Variants in LIMS1 observed in about 807,000 individuals in gnomAD.
LIMS1 encodes the protein LIM and senescent cell antigen-like-containing domain protein 1.
In LIMS1, 18 loss-of-function variants were observed where a neutral mutation model predicts 44.1. The ratio of observed to expected loss-of-function variants is 0.41; its 90% CI spans 0.28 to 0.61. The LOEUF is 0.61. Ranked by LOEUF, LIMS1 falls within the 20% of genes least tolerant of loss-of-function variation. The pLI is 0.32. For synonymous variants in LIMS1, 93 were observed against 149.1 expected (o/e 0.62, Z 2.74); for missense variants, 201 against 422.0 (o/e 0.48, Z 4.59).
chr2:108,675,822 A>G lies in LIMS1; in HGVS notation c.531-56A>G. 5 of 1,604,762 alleles carry G rather than the reference A, an allele frequency of 3.1e-6. No individual in the cohort carries two copies. The South Asian group carries it at 3.3e-5, about 11-fold the overall frequency. On this transcript the variant is annotated intron_variant, in intron 5 of 9. Coordinates refer to ENST00000544547, the Ensembl canonical transcript of LIMS1. ...ACCTTCTAAAAAGTGTGCTAGCCCC[A>G]TTGGTTGGCCACTTTTCTCTCTTAG... is the stretch of plus-strand genomic sequence containing the variant.
chr2:108,667,687 G>A (rs902391148), intron 2 of LIMS1, among the ~76,000 whole-genome samples: 11 of 151,362 alleles, frequency 7.3e-5, no homozygotes, highest in Admixed American at 3.3e-4. Context: ...TTACACAGTC[G>A]TCTTATGGTA....
chr2:108,534,321 C>G (rs866182662), upstream of LIMS1: 564 of 207,178 alleles, frequency 2.7e-3, no homozygotes, highest in African/African-American at 0.01. Flanking sequence ...CGCCCTTCGG[C>G]GCCCGCCCCG....
intron 1 of LIMS1, among the ~76,000 whole-genome samples, chr2:108,649,908 T>C (rs902147467): frequency 6.6e-6 from 1 of 152,144 alleles, no homozygotes; most frequent in African/African-American, 2.4e-5. Context: ...ATGGCACATG[T>C]ATACCTATGT....
At chr2:108,680,917 C>G in intron 9 of LIMS1, 147 bp downstream of exon 9, 3 of 1,284,464 alleles carry the variant, frequency 2.3e-6, no homozygotes, top group Middle Eastern at 5.6e-4. Context: ...AAAGGTTCTT[C>G]CTTTAACTGT....
intron 1 of LIMS1, among the ~76,000 whole-genome samples, chr2:108,563,438 GA>G (rs1685191352): frequency 6.6e-6 from 1 of 152,190 alleles, no homozygotes; most frequent in Non-Finnish European, 1.5e-5. Context: ...TAGGAGTTTG[GA>G]AGAAGTTGAT....
intron 1 of LIMS1, among the ~76,000 whole-genome samples, chr2:108,629,972 C>G (rs1212194071): frequency 6.6e-6 from 1 of 152,138 alleles, no homozygotes; most frequent in East Asian, 1.9e-4. Flanking sequence ...CCGGGTGGAT[C>G]ACTTGAGTCC....
intron 1 of LIMS1, among the ~76,000 whole-genome samples, chr2:108,567,239 C>G (rs1685323383): frequency 6.6e-6 from 1 of 152,080 alleles, no homozygotes; most frequent in East Asian, 1.9e-4. Flanking sequence ...CAGTTTCCTC[C>G]CGCATCCCAA....
intron 1 of LIMS1, among the ~76,000 whole-genome samples, chr2:108,606,093 T>C (rs1687255599): frequency 1.3e-5 from 2 of 152,276 alleles, no homozygotes; most frequent in African/African-American, 4.8e-5. Flanking sequence ...GTATTCAGAC[T>C]GTATAACTAT....
intron 1 of LIMS1, among the ~76,000 whole-genome samples, chr2:108,656,031 G>A (rs1176431720): frequency 2.2e-5 from 2 of 89,268 alleles, no homozygotes; most frequent in Non-Finnish European, 4.6e-5. Context: ...TCCGTGCTCT[G>A]TGGTACAGAT....
At chr2:108,536,914 T>C (rs936549970) in intron 1 of LIMS1, among the ~76,000 whole-genome samples, 4 of 152,330 alleles carry the variant, frequency 2.6e-5, no homozygotes, top group African/African-American at 7.2e-5. Flanking sequence ...ATGTAACTTT[T>C]CCTTTTCTGG....
chr2:108,659,824 T>G (rs1308879175), intron 2 of LIMS1, 60 bp downstream of exon 2: 1 of 1,611,912 alleles, frequency 6.2e-7, no homozygotes, highest in Non-Finnish European at 8.5e-7. Flanking sequence ...CTTCCTGCCC[T>G]TCTTTCCTGA....
At chr2:108,550,467 C>T (rs1490786658) in intron 1 of LIMS1, among the ~76,000 whole-genome samples, 1 of 150,352 alleles carries the variant, frequency 6.7e-6, no homozygotes, top group Admixed American at 6.7e-5. Context: ...CCACTGCACT[C>T]CAGCCTGGGT....
chr2:108,635,110 A>C (rs776558107), intron 1 of LIMS1, among the ~76,000 whole-genome samples: 1 of 152,108 alleles, frequency 6.6e-6, no homozygotes, highest in Non-Finnish European at 1.5e-5. Flanking sequence ...CAATGAGTCC[A>C]TGTGTGGCCT....
chr2:108,664,194 A>G (rs555371668), intron 2 of LIMS1, among the ~76,000 whole-genome samples: 5 of 152,328 alleles, frequency 3.3e-5, no homozygotes, highest in African/African-American at 1.2e-4. Context: ...TTATCTGTGG[A>G]TCCACTCACT....
intron 1 of LIMS1, among the ~76,000 whole-genome samples, chr2:108,650,750 A>G (rs1690422348): frequency 6.6e-6 from 1 of 152,176 alleles, no homozygotes; most frequent in Non-Finnish European, 1.5e-5. Context: ...CCATGGCCAC[A>G]CTGTTACAGA....
chr2:108,558,730 G>A (rs1259421634), intron 1 of LIMS1, among the ~76,000 whole-genome samples: 1 of 151,200 alleles, frequency 6.6e-6, no homozygotes, highest in Non-Finnish European at 1.5e-5. Flanking sequence ...GAATGCAGTG[G>A]TGCGATCTCG....
intron 1 of LIMS1, among the ~76,000 whole-genome samples, chr2:108,657,500 A>T (rs1690967019): frequency 6.6e-6 from 1 of 152,302 alleles, no homozygotes; most frequent in Admixed American, 6.5e-5. Flanking sequence ...GTGCTCCTTC[A>T]TCCAGGAATA....
intron 1 of LIMS1, among the ~76,000 whole-genome samples, chr2:108,551,945 G>GTATATA (rs1354548064): frequency 1.0e-5 from 1 of 96,352 alleles, no homozygotes; most frequent in South Asian, 3.1e-4. Flanking sequence ...GTGTGTGTGT[G>GTATATA]TGTGTGTGTA....
chr2:108,562,471 G>A (rs539304702), intron 1 of LIMS1, among the ~76,000 whole-genome samples: 1 of 152,320 alleles, frequency 6.6e-6, no homozygotes, highest in Admixed American at 6.5e-5. Context: ...CAGCAAAACA[G>A]CTTTATTGCT....
Sources: allele counts gnomAD v4.1 joint callset (sites outside exome capture counted in the v4.1 genomes callset), GRCh38; gene constraint gnomAD v4.1.1; transcripts MANE v1.5; gene names NCBI Gene and HGNC (gene_info 2026-07-23, HGNC 2026-07-21).